SSU72: variants seen among roughly 807,000 people sequenced by gnomAD.
SSU72 encodes SSU72 homolog, RNA polymerase II CTD phosphatase.
In SSU72, 12 loss-of-function variants were observed where a neutral mutation model predicts 22.7. That is an observed-to-expected ratio of 0.53 (90% confidence interval 0.34 to 0.86). The LOEUF is 0.86. SSU72 is among the 40% of genes least tolerant of loss of function. SSU72 has a pLI of 0.02. For missense variants in SSU72, 151 were observed against 249.8 expected, an observed-to-expected ratio of 0.60 and a Z score of 2.67; for synonymous variants, 116 against 98.3, an observed-to-expected ratio of 1.18 and a Z score of -1.06.
At chr1:1,553,739 C>T (rs1203498064) in intron 2 of SSU72, among the ~76,000 whole-genome samples, 4 of 150,722 alleles carry the variant, frequency 2.7e-5, no homozygotes, top group African/African-American at 7.3e-5. Flanking sequence ...TGCGGTGAGC[C>T]GAGACCACGC....
At chr1:1,555,992 C>G (rs1023820424) in intron 2 of SSU72, among the ~76,000 whole-genome samples, 4 of 151,568 alleles carry the variant, frequency 2.6e-5, no homozygotes, top group African/African-American at 9.7e-5. Flanking sequence ...GAGACCGTCT[C>G]GAAAAAATAA....
At chr1:1,570,119 A>G (rs72898276) in intron 1 of SSU72, among the ~76,000 whole-genome samples, 157 of 152,184 alleles carry the variant, frequency 1.0e-3, no homozygotes, top group African/African-American at 3.6e-3. Flanking sequence ...CAAAGGACAT[A>G]AACAGGTAAT....
At chr1:1,564,356 T>C (rs749061423) in intron 2 of SSU72, 54 of 997,278 alleles carry the variant, frequency 5.4e-5, no homozygotes, top group South Asian at 4.1e-4. Context: ...TCACCAGATG[T>C]GTGAAGCAGC....
chr1:1,563,233 C>T (rs180710717), intron 2 of SSU72: 1 of 152,274 alleles, frequency 6.6e-6, no homozygotes, highest in East Asian at 1.9e-4. Context: ...AATTTTTTAG[C>T]TTATTAAATA....
At position 1,555,000 on chromosome 1, in the gene SSU72, T is replaced by G. The variant is rs1642503464; in HGVS notation, c.224+9773A>C. 6.6e-6 allele frequency among the ~76,000 whole-genome samples: 1 copy of G among 152,176 alleles called. No homozygotes were observed. Among genetic ancestry groups the G allele is most frequent in the Non-Finnish European group, 1.5e-5 (1 of 68,026 alleles). On this transcript the variant is annotated intron_variant, in intron 2 of 4. Coordinates refer to ENST00000291386, the MANE Select transcript of SSU72 (RefSeq NM_014188.3). The surrounding 1 kb of genome is among the most constrained non-coding windows in gnomAD (Gnocchi z 4.1). ...CCCCGGAAGGCCACACCATCTTCCCTGCACGTATGACTCATCCCAGAGCAT... is the reference window on the plus strand; with the variant it reads ...CCCCGGAAGGCCACACCATCTTCCCGGCACGTATGACTCATCCCAGAGCAT...
rs939762150 is a variant in SSU72 at position 1,542,674 on chromosome 1, G to C, written c.484-507C>G. Among the ~76,000 whole-genome samples, 1 of 152,054 alleles carries C rather than the reference G, an allele frequency of 6.6e-6. No individual in the cohort carries two copies. On this transcript the variant is annotated intron_variant, in intron 4 of 4. Coordinates refer to ENST00000291386, the MANE Select transcript of SSU72 (RefSeq NM_014188.3). The surrounding 1 kb of genome is among the most constrained non-coding windows in gnomAD (Gnocchi z 4.4). ...CAGCTCGTTACTCGCCATCTCCACT[G>C]TCCCCTGGTCCCCAGCCTTGGCCAG... is the stretch of plus-strand genomic sequence containing the variant.
intron 2 of SSU72, among the ~76,000 whole-genome samples, chr1:1,556,958 C>T (rs1642528759): frequency 6.6e-6 from 1 of 152,244 alleles, no homozygotes; most frequent in Non-Finnish European, 1.5e-5. Context: ...GAAGAGCAGG[C>T]CAGTATCTCT....
intron 1 of SSU72, among the ~76,000 whole-genome samples, chr1:1,565,223 A>G (rs1263112610): frequency 6.6e-6 from 1 of 152,120 alleles, no homozygotes; most frequent in Non-Finnish European, 1.5e-5. Context: ...AATACAAAAA[A>G]TTAGCCGGGC....
chr1:1,559,634 G>A (rs186551093), intron 2 of SSU72, among the ~76,000 whole-genome samples: 107 of 152,108 alleles, frequency 7.0e-4, no homozygotes, highest in Non-Finnish European at 1.2e-3. Flanking sequence ...ATCTCAGCTC[G>A]CTGCAGCCTC....
At chr1:1,560,285 G>A (rs892714770) in intron 2 of SSU72, among the ~76,000 whole-genome samples, 4 of 152,096 alleles carry the variant, frequency 2.6e-5, no homozygotes, top group Middle Eastern at 6.8e-3. Flanking sequence ...TCAGCTTCCC[G>A]AGTAGCTGTG....
intron 2 of SSU72, 169 bp from the exon 3 acceptor site, chr1:1,545,171 T>TC (rs973520507): frequency 4.4e-5 from 31 of 709,514 alleles, no homozygotes; most frequent in Non-Finnish European, 7.3e-5. Flanking sequence ...GGCCTCACTG[T>TC]CCTAGGAGGT....
intron 1 of SSU72, among the ~76,000 whole-genome samples, chr1:1,569,171 C>T (rs1252231007): frequency 6.7e-6 from 1 of 149,632 alleles, no homozygotes; most frequent in African/African-American, 2.5e-5. Context: ...GAGACTCCGT[C>T]TCAAAAAATA....
chr1:1,547,718 G>A (rs984180977), intron 2 of SSU72, among the ~76,000 whole-genome samples: 5 of 152,230 alleles, frequency 3.3e-5, no homozygotes, highest in African/African-American at 1.2e-4. Flanking sequence ...TCAATAGACA[G>A]GCTCAGGGCC....
chr1:1,544,606 G>A (rs1193053310), intron 3 of SSU72: 5 of 526,192 alleles, frequency 9.5e-6, no homozygotes, highest in African/African-American at 5.8e-5. Context: ...GACAGAGCAC[G>A]ACTCTGTCTC....
At chr1:1,569,585 C>T (rs1557506643) in intron 1 of SSU72, among the ~76,000 whole-genome samples, 1 of 152,180 alleles carries the variant, frequency 6.6e-6, no homozygotes, top group Non-Finnish European at 1.5e-5. Context: ...CTCACCACAG[C>T]CTCAACCTCT....
chr1:1,549,056 T>G (rs993577704), intron 2 of SSU72, among the ~76,000 whole-genome samples: 1 of 151,892 alleles, frequency 6.6e-6, no homozygotes, highest in African/African-American at 2.4e-5. Flanking sequence ...GAGGATGCCT[T>G]GAATCCAGGA....
chr1:1,571,593 G>C (rs1250256611), intron 1 of SSU72, among the ~76,000 whole-genome samples: 1 of 152,062 alleles, frequency 6.6e-6, no homozygotes, highest in Non-Finnish European at 1.5e-5. Context: ...GGCGGCACAG[G>C]TAAAAGCACA....
intron 1 of SSU72, among the ~76,000 whole-genome samples, chr1:1,574,064 T>C (rs1244590314): frequency 4.6e-5 from 7 of 150,712 alleles, no homozygotes; most frequent in Non-Finnish European, 1.0e-4. Context: ...CACAAATCCA[T>C]GGCATTAAAA....
At chr1:1,573,055 G>A (rs1367009252) in intron 1 of SSU72, among the ~76,000 whole-genome samples, 2 of 151,924 alleles carry the variant, frequency 1.3e-5, no homozygotes, top group Admixed American at 6.6e-5. Flanking sequence ...TTGGGAGGCC[G>A]AGGCGGGCAG....
Sources: allele counts gnomAD v4.1 joint callset (sites outside exome capture counted in the v4.1 genomes callset), GRCh38; gene constraint gnomAD v4.1.1; non-coding constraint Gnocchi (gnomAD v3.1); transcripts MANE v1.5; gene names NCBI Gene and HGNC (gene_info 2026-07-23, HGNC 2026-07-21).